EFHB: variants seen among roughly 807,000 people sequenced by gnomAD.
The protein encoded by EFHB is EF-hand domain-containing family member B.
EFHB carries 91 observed loss-of-function variants against 87.2 expected under a neutral mutation model. The observed-to-expected ratio is 1.04, with a 90% CI of 0.88 to 1.24. The LOEUF (loss-of-function observed/expected upper bound fraction) is 1.24. EFHB is among the 50% of genes most tolerant of loss of function. EFHB has a pLI of 0.00. For synonymous variants in EFHB, 325 were observed against 333.6 expected (o/e 0.97, Z 0.28); for missense variants, 1,084 against 998.8 (o/e 1.09, Z -1.15).
intron 1 of EFHB, chr3:19,941,098 T>C: frequency 2.6e-6 from 1 of 378,786 alleles, no homozygotes. Context: ...GCTGATGCTC[T>C]TATTCAGTTC....
rs932342219 is a variant in EFHB, at chr3:19,895,530, GC to G, written c.1725+1156del. Reference sequence around the variant, plus strand: ...TGGTGGTTTACTTAGATAATCAACAGCTATTAAGATGATCATCTTTCCTTTA... The same window carrying G: ...TGGTGGTTTACTTAGATAATCAACAGTATTAAGATGATCATCTTTCCTTTA... On this transcript the variant is annotated intron_variant, in intron 9 of 12. Transcript: ENST00000295824. Among the ~76,000 whole-genome samples, 34 of 151,064 alleles carry G rather than the reference GC, an allele frequency of 2.3e-4. 1 individual carries two copies. The highest frequency in any genetic ancestry group is 8.0e-4 in the African/African-American group (33 of 41,102).
chr3:19,913,113 A>G (rs1695116342), intron 5 of EFHB, among the ~76,000 whole-genome samples: 3 of 152,170 alleles, frequency 2.0e-5, no homozygotes. Flanking sequence ...AACATAATAA[A>G]AGCCGTATAC....
At chr3:19,933,144 CCAAAA>C (rs747244634) in intron 1 of EFHB, 81 bp downstream of exon 1, 185 of 1,441,890 alleles carry the variant, frequency 1.3e-4, no homozygotes, top group Admixed American at 1.6e-4. Flanking sequence ...TCTCTTCAAA[CCAAAA>C]CAAATTTTAT....
rs1695936182 is a variant in EFHB, at chr3:19,934,052, G to C, written c.-34C>G. 2.6e-6 allele frequency: 4 copies of C among 1,553,968 alleles called. No homozygotes were observed. The highest frequency in any genetic ancestry group is 3.5e-6 in the Non-Finnish European group (4 of 1,149,940). ...TCTCCCCATTCTCATTTCTCCAAGA[G>C]CGCTCATCTCTAAGGGGAAAGCTGT... On this transcript the variant is annotated 5_prime_UTR_variant, in exon 1 of 13. Coordinates refer to ENST00000295824, the MANE Select transcript of EFHB (RefSeq NM_144715.4).
chr3:19,933,457 GCTTAAT>G lies in EFHB; in HGVS notation c.556_561del (p.Ile186_Lys187del). The G allele has an allele frequency of 6.2e-7, 1 of 1,614,010 alleles. No individual in the cohort carries two copies. The highest frequency in any genetic ancestry group is 8.5e-7 in the Non-Finnish European group (1 of 1,179,888). On this transcript the variant is annotated inframe_deletion, in exon 1 of 13. Coordinates refer to ENST00000295824, the MANE Select transcript of EFHB (RefSeq NM_144715.4). Reference sequence around the variant, plus strand: ...AGTCCAATGTCCACCTCCACAGGAAGCTTAATCTCTGTGTTGGGTTTCATTAAAACA... The same window carrying G: ...AGTCCAATGTCCACCTCCACAGGAAGCTCTGTGTTGGGTTTCATTAAAACA...
intron 11 of EFHB, among the ~76,000 whole-genome samples, chr3:19,883,463 G>A (rs2071731790): frequency 6.6e-6 from 1 of 152,096 alleles, no homozygotes. Context: ...CCTCAATCAT[G>A]TCCTTATTCC....
At chr3:19,917,469 G>A (rs781754240) in intron 4 of EFHB, among the ~76,000 whole-genome samples, 6 of 152,076 alleles carry the variant, frequency 3.9e-5, no homozygotes, top group Non-Finnish European at 7.4e-5. Context: ...TCCTGGAAGA[G>A]AGCCTCAATG....
At chr3:19,918,126 C>G in intron 4 of EFHB, 106 bp downstream of exon 4, 1 of 1,189,950 alleles carries the variant, frequency 8.4e-7, no homozygotes, top group Non-Finnish European at 1.2e-6. Flanking sequence ...CTTGAGTCAT[C>G]GTTTACACCA....
At chr3:19,915,172 T>C in intron 5 of EFHB, 131 bp downstream of exon 5, 1 of 602,588 alleles carries the variant, frequency 1.7e-6, no homozygotes, top group Non-Finnish European at 3.0e-6. Context: ...TTTATGACCT[T>C]ATGAATAATA....
At chr3:19,889,528 G>C (rs1028988091) in intron 9 of EFHB, among the ~76,000 whole-genome samples, 5 of 152,124 alleles carry the variant, frequency 3.3e-5, no homozygotes, top group African/African-American at 1.2e-4. Flanking sequence ...AGCTCTTACT[G>C]CCCAGGACTG....
chr3:19,908,598 GAGAAAGAAAGAA>G lies in EFHB; in HGVS notation c.1289-2861_1289-2850del, dbSNP rs767343345. ...AGAGAGAGAGAGAGAGAGAGAGAGA[GAGAAAGAAAGAA>G]AGAAAGAAAGAAAGAAAGAAAGAAA... is the stretch of plus-strand genomic sequence containing the variant. On this transcript the variant is annotated intron_variant, in intron 5 of 12. Coordinates refer to ENST00000295824, the MANE Select transcript of EFHB (RefSeq NM_144715.4). Among the ~76,000 whole-genome samples, 771 of 77,306 alleles carry G rather than the reference GAGAAAGAAAGAA, an allele frequency of 1.0e-2. 13 individuals are homozygous for G. The highest frequency in any genetic ancestry group is 0.014 in the African/African-American group (271 of 19,798). The allele number at this position is 77,306 out of a possible 152,430, so 50.7% of individuals were successfully genotyped here.
At position 19,884,463 on chromosome 3, in the gene EFHB, T is replaced by C. The variant is rs745663548; in HGVS notation, c.2086A>G (p.Asn696Asp). The change falls in exon 11 of 13, where the codon AAC becomes GAC. Residue 696 changes from asparagine to aspartate, a missense_variant. Physicochemically the swap from Asn to Asp is conservative, Grantham distance 23 (BLOSUM62 1). Transcript: ENST00000295824. ...TCAGAAGAAGTTGTCTTATAGTAGTTGGAAACTTTATCACTTGGTCTCAGA... is the reference window on the plus strand; with the variant it reads ...TCAGAAGAAGTTGTCTTATAGTAGTCGGAAACTTTATCACTTGGTCTCAGA... ...TLLRPSDKVS[N>D]YYKTTSSEIN... 1.1e-5 allele frequency: 18 copies of C among 1,613,848 alleles called. No homozygotes were observed. The highest frequency in any genetic ancestry group is 1.4e-5 in the Non-Finnish European group (17 of 1,179,896).
At chr3:19,881,397 G>T (rs558965468) in intron 12 of EFHB, among the ~76,000 whole-genome samples, 1 of 152,092 alleles carries the variant, frequency 6.6e-6, no homozygotes, top group Non-Finnish European at 1.5e-5. Flanking sequence ...GCAGGTCTTT[G>T]ACTTCTTACT....
At chr3:19,908,584 G>GAAAGAA (rs1559459607) in intron 5 of EFHB, among the ~76,000 whole-genome samples, 1 of 96,476 alleles carries the variant, frequency 1.0e-5, no homozygotes, top group South Asian at 3.2e-4. Context: ...GAGAGAGAGA[G>GAAAGAA]AGAGAGAGAG....
chr3:19,929,708 C>CAAAAAAA (rs34016968), intron 1 of EFHB, among the ~76,000 whole-genome samples: 6 of 79,732 alleles, frequency 7.5e-5, no homozygotes, highest in South Asian at 5.2e-4. Flanking sequence ...GACTCCATCT[C>CAAAAAAA]AAAAAAAAAA....
chr3:19,896,056 G>A lies in EFHB; in HGVS notation c.1725+631C>T, dbSNP rs148499303. Among the ~76,000 whole-genome samples the A allele has an allele frequency of 7.6e-3, 1,160 of 152,224 alleles. 15 individuals are homozygous for A. Among genetic ancestry groups the A allele is most frequent in the African/African-American group, 0.027 (1,104 of 41,514 alleles). On this transcript the variant is annotated intron_variant, in intron 9 of 12. Transcript: ENST00000295824. ...ACTAAAACCACACCCTGCTCCCCAG[G>A]GAAAAGACATTCTAAGCTTGACTTG...
At chr3:19,910,968 C>G (rs191331847) in intron 5 of EFHB, among the ~76,000 whole-genome samples, 151 of 152,242 alleles carry the variant, frequency 9.9e-4, no homozygotes, top group Non-Finnish European at 1.7e-3. Context: ...AAAGCATTTC[C>G]AAGATGAATG....
At chr3:19,925,756 G>C (rs1283060855) in intron 1 of EFHB, among the ~76,000 whole-genome samples, 4 of 152,120 alleles carry the variant, frequency 2.6e-5, no homozygotes, top group African/African-American at 4.8e-5. Context: ...GTTGATATAA[G>C]ACCATTTTCA....
chr3:19,932,712 T>C (rs977072390), intron 1 of EFHB, among the ~76,000 whole-genome samples: 4 of 152,252 alleles, frequency 2.6e-5, no homozygotes, highest in Non-Finnish European at 4.4e-5. Flanking sequence ...GATAACTGTA[T>C]ACTATTCCTT....
Sources: allele counts gnomAD v4.1 joint callset (sites outside exome capture counted in the v4.1 genomes callset), GRCh38; gene constraint gnomAD v4.1.1; transcripts MANE v1.5; gene names NCBI Gene and HGNC (gene_info 2026-07-23, HGNC 2026-07-21).